UGGT1: variants seen among roughly 807,000 people sequenced by gnomAD.
UGGT1 encodes UDP-glucose glycoprotein glucosyltransferase 1, also known as UDP-glucose:glycoprotein glucosyltransferase 1.
In UGGT1, 107 loss-of-function variants were observed where a neutral mutation model predicts 203.9. That is an observed-to-expected ratio of 0.52 (90% CI 0.45 to 0.62). The LOEUF is 0.62. Among genes scored for constraint, UGGT1 ranks in the 20% least tolerant of loss-of-function variants. UGGT1 has a pLI of 0.00. For synonymous variants in UGGT1, 628 were observed against 653.5 expected, an observed-to-expected ratio of 0.96 and a Z score of 0.59; for missense variants, 1,673 against 1,867.2, an observed-to-expected ratio of 0.90 and a Z score of 1.92.
chr2:128,107,350 A>G (rs922392403), intron 3 of UGGT1, among the ~76,000 whole-genome samples: 5 of 151,976 alleles, frequency 3.3e-5, no homozygotes, highest in Admixed American at 6.6e-5. Flanking sequence ...AAACTTTACA[A>G]TTTCATTAGT....
chr2:128,154,206 A>G (rs1408044160), intron 19 of UGGT1, among the ~76,000 whole-genome samples: 1 of 152,146 alleles, frequency 6.6e-6, no homozygotes, highest in Non-Finnish European at 1.5e-5. Context: ...TCTTCCCTGA[A>G]GTTTCAGTAG....
At chr2:128,148,148 G>A (rs189039274) in intron 18 of UGGT1, among the ~76,000 whole-genome samples, 3,806 of 151,924 alleles carry the variant, frequency 0.025, 78 homozygotes, top group Non-Finnish European at 0.037. Flanking sequence ...TGCAACCTCC[G>A]CCTCCTGGGT....
At chr2:128,099,215 C>T (rs958467930) in intron 2 of UGGT1, among the ~76,000 whole-genome samples, 2 of 152,110 alleles carry the variant, frequency 1.3e-5, no homozygotes, top group African/African-American at 4.8e-5. Flanking sequence ...GTGATCTCAG[C>T]TCCCTGTAAC....
chr2:128,133,171 T>C lies in UGGT1; in HGVS notation c.1408T>C (p.Tyr470His). 4 of 1,614,134 alleles carry C rather than the reference T, an allele frequency of 2.5e-6. No individual in the cohort carries two copies. The highest frequency in any genetic ancestry group is 1.1e-5 in the South Asian group (1 of 91,088). ...CAACAACCTGGAGGTTGATAGCAGATATAATTCGTGGCCTTCTAGTTTACA... is the reference window on the plus strand; with the variant it reads ...CAACAACCTGGAGGTTGATAGCAGACATAATTCGTGGCCTTCTAGTTTACA... ...WVNNLEVDSR[Y>H]NSWPSSLQEL... The change falls in exon 14 of 41, where the codon TAT (tyrosine) becomes CAT (histidine). Residue 470 changes from tyrosine (Y) to histidine (H), a missense_variant. Coordinates refer to ENST00000259253, the MANE Select transcript of UGGT1 (RefSeq NM_020120.4).
In UGGT1 at chr2:128,161,213, A is replaced by G. The variant is rs760300916; in HGVS notation, c.2770A>G (p.Thr924Ala). ...FHLLENIILK[T>A]SGQKIKSHIQ... ...CCTCCTCGAAAATATCATCTTAAAA[A>G]CCTCAGGACAGAAAATAAAATCTCA... The change falls in exon 25 of 41, where the codon ACC (threonine) becomes GCC (alanine). Residue 924 changes from threonine to alanine, a missense_variant. Transcript: ENST00000259253. The G allele has an allele frequency of 3.7e-6, 6 of 1,613,860 alleles. No homozygotes were observed. The highest frequency in any genetic ancestry group is 5.1e-6 in the Non-Finnish European group (6 of 1,179,970).
At chr2:128,145,460 A>G (rs1395723551) in intron 17 of UGGT1, among the ~76,000 whole-genome samples, 1 of 152,010 alleles carries the variant, frequency 6.6e-6, no homozygotes, top group East Asian at 1.9e-4. Context: ...ACCGTAGAAT[A>G]TGTAGTTCAG....
In UGGT1 at chr2:128,091,385, G is replaced by T; in HGVS notation, c.28G>T (p.Ala10Ser). The change falls in exon 1 of 41, where the codon GCG (alanine) becomes TCG (serine). Residue 10 changes from alanine (A) to serine (S), a missense_variant. Coordinates refer to ENST00000259253, the MANE Select transcript of UGGT1 (RefSeq NM_020120.4). ...GGGCTGCAAGGGAGACGCGAGCGGTGCGTGTGCCGCGGGTGCGCTGCCGGT... is the reference window on the plus strand; with the variant it reads ...GGGCTGCAAGGGAGACGCGAGCGGTTCGTGTGCCGCGGGTGCGCTGCCGGT... Reference protein sequence around the residue: MGCKGDASGACAAGALPVTG... With the variant: MGCKGDASGSCAAGALPVTG... 1 of 1,576,516 alleles carries T rather than the reference G, an allele frequency of 6.3e-7. No homozygotes were observed. Among genetic ancestry groups the T allele is most frequent in the South Asian group, 1.2e-5 (1 of 86,004 alleles).
At position 128,145,813 on chromosome 2, in the gene UGGT1, G is replaced by C. The variant is rs371963783; in HGVS notation, c.1862G>C (p.Gly621Ala). The change falls in exon 18 of 41, where the codon GGC becomes GCC. Residue 621 changes from glycine to alanine, a missense_variant. Gly to Ala is a moderately conservative substitution (Grantham distance 60). Around this residue, in one of 4 missense-constraint regions of UGGT1, gnomAD observed 1,073 missense variants for 1,078.7 expected, o/e 0.99. Coordinates refer to ENST00000259253, the MANE Select transcript of UGGT1 (RefSeq NM_020120.4). ...TTACTTGTGTTTCAGGAAGCAAGAG[G>C]CTACTATGAGCAGACTGGAGTTGGA... is the stretch of plus-strand genomic sequence containing the variant. ...AYDRNRKEAR[G>A]YYEQTGVGPL... 6.3e-7 allele frequency: 1 copy of C among 1,574,958 alleles called. No individual in the cohort carries two copies. Among genetic ancestry groups the C allele is most frequent in the Admixed American group, 1.9e-5 (1 of 53,496 alleles).
At chr2:128,112,146 C>T (rs1687886900) in intron 5 of UGGT1, among the ~76,000 whole-genome samples, 1 of 150,978 alleles carries the variant, frequency 6.6e-6, no homozygotes, top group South Asian at 2.1e-4. Flanking sequence ...ATTGGCCAGG[C>T]CTGGTGGCTT....
chr2:128,116,912 T>A (rs1204486821), intron 8 of UGGT1, among the ~76,000 whole-genome samples: 1 of 152,220 alleles, frequency 6.6e-6, no homozygotes, highest in Non-Finnish European at 1.5e-5. Flanking sequence ...GGCATTAAGT[T>A]ACATACCATT....
intron 39 of UGGT1, chr2:128,187,159 C>CAACTT (rs1360301958): frequency 6.5e-6 from 2 of 307,850 alleles, no homozygotes; most frequent in Non-Finnish European, 1.2e-5. Context: ...ACTGTTTTCA[C>CAACTT]AACTTACAAT....
At position 128,124,687 on chromosome 2, in the gene UGGT1, CAA is replaced by C. The variant is rs34250306; in HGVS notation, c.1134+1452_1134+1453del. 2.7e-3 allele frequency among the ~76,000 whole-genome samples: 388 copies of C among 145,584 alleles called. 1 individual carries two copies. The highest frequency in any genetic ancestry group is 0.014 in the Middle Eastern group (4 of 288). ...TTCTTTCCTATTCTTTTCTCTTTTT[CAA>C]AAAAAAAAAACACTTTCTGGTAAGA... is the stretch of plus-strand genomic sequence containing the variant. On this transcript the variant is annotated intron_variant, in intron 11 of 40. Coordinates refer to ENST00000259253, the MANE Select transcript of UGGT1 (RefSeq NM_020120.4).
In UGGT1 at chr2:128,129,019, T is replaced by C; in HGVS notation, c.1227-10T>C. 1.9e-6 allele frequency: 3 copies of C among 1,546,978 alleles called. No individual in the cohort carries two copies. Among genetic ancestry groups the C allele is most frequent in the Non-Finnish European group, 2.6e-6 (3 of 1,152,374 alleles). ...TCCTAGTAAATATCTCTTTTTGTTT[T>C]TCCCCCCAGTCTGTTTGATGTGTTG... On this transcript the variant is annotated splice_polypyrimidine_tract_variant and intron_variant, in intron 12 of 40. Transcript: ENST00000259253.
At chr2:128,182,551 T>G (rs1691747988) in intron 37 of UGGT1, among the ~76,000 whole-genome samples, 1 of 151,912 alleles carries the variant, frequency 6.6e-6, no homozygotes, top group Non-Finnish European at 1.5e-5. Context: ...ATACAAAAAT[T>G]AGCTGGGCAT....
At chr2:128,114,321 TTGGCCAGGC>T (rs1236825814) in intron 6 of UGGT1, among the ~76,000 whole-genome samples, 1 of 152,206 alleles carries the variant, frequency 6.6e-6, no homozygotes, top group East Asian at 1.9e-4. Context: ...TTTCACCATG[TTGGCCAGGC>T]TGGTCTCAAA....
intron 4 of UGGT1, among the ~76,000 whole-genome samples, chr2:128,109,034 G>A (rs1030747336): frequency 6.6e-5 from 10 of 151,388 alleles, no homozygotes; most frequent in African/African-American, 2.2e-4. Context: ...CTGAGCTGGG[G>A]TAGCCTGCTA....
At chr2:128,129,377 C>G (rs1194044093) in intron 13 of UGGT1, among the ~76,000 whole-genome samples, 198 bp downstream of exon 13, 1 of 148,700 alleles carries the variant, frequency 6.7e-6, no homozygotes, top group Non-Finnish European at 1.5e-5. Flanking sequence ...GTTATTGTTG[C>G]TAATGTGGTT....
At chr2:128,157,582 C>T (rs924013367) in intron 22 of UGGT1, among the ~76,000 whole-genome samples, 3 of 152,138 alleles carry the variant, frequency 2.0e-5, no homozygotes, top group South Asian at 2.1e-4. Flanking sequence ...AAATAAATAG[C>T]GAGATCCTCA....
At chr2:128,115,611 AT>A (rs1306894875) in intron 7 of UGGT1, among the ~76,000 whole-genome samples, 1 of 152,044 alleles carries the variant, frequency 6.6e-6, no homozygotes, top group East Asian at 1.9e-4. Context: ...ATAGCCATTT[AT>A]TTGTGACTCC....
Sources: allele counts gnomAD v4.1 joint callset (sites outside exome capture counted in the v4.1 genomes callset), GRCh38; gene constraint gnomAD v4.1.1; regional missense constraint gnomAD v4.1.1; transcripts MANE v1.5; gene names NCBI Gene and HGNC (gene_info 2026-07-23, HGNC 2026-07-21).